DZIP3: variants seen among roughly 807,000 people sequenced by gnomAD.
DZIP3 encodes E3 ubiquitin-protein ligase DZIP3.
Under a neutral mutation model 162.0 loss-of-function variants are expected in DZIP3, and 118 were observed. The observed-to-expected ratio is 0.73, with a 90% CI of 0.63 to 0.85. DZIP3 has a LOEUF of 0.85. Among genes scored for constraint, DZIP3 ranks in the 40% least tolerant of loss-of-function variants. DZIP3 has a pLI of 0.00. For missense variants in DZIP3, 1,331 were observed against 1,407.0 expected, an observed-to-expected ratio of 0.95 and a Z score of 0.86; for synonymous variants, 438 against 458.6, an observed-to-expected ratio of 0.96 and a Z score of 0.57.
At position 108,594,668 on chromosome 3, in the gene DZIP3, C is replaced by A. The variant is rs925444762; in HGVS notation, c.-73+4829C>A. Reference sequence around the variant, plus strand: ...GTCTATGTGTTCTTTCCGTTTTGCTCCCATTTATGAGTAAGAATATGCGGT... The same window carrying A: ...GTCTATGTGTTCTTTCCGTTTTGCTACCATTTATGAGTAAGAATATGCGGT... On this transcript the variant is annotated intron_variant, in intron 1 of 32. Coordinates refer to ENST00000361582, the MANE Select transcript of DZIP3 (RefSeq NM_014648.4). Among the ~76,000 whole-genome samples the A allele has an allele frequency of 3.9e-5, 6 of 151,998 alleles. 1 individual carries two copies. The highest frequency in any genetic ancestry group is 6.8e-3 in the Middle Eastern group (2 of 294).
chr3:108,682,752 A>G (rs1944366491), intron 26 of DZIP3, among the ~76,000 whole-genome samples: 1 of 150,890 alleles, frequency 6.6e-6, no homozygotes, highest in South Asian at 2.1e-4. Context: ...TGGCTAGAAG[A>G]GAGGATTTTG....
Position 108,632,951 on chromosome 3 carries a change from A to G in DZIP3, c.697-2A>G. 4 of 1,381,134 alleles carry G rather than the reference A, an allele frequency of 2.9e-6. No homozygotes were observed. The highest frequency in any genetic ancestry group is 2.5e-5 in the Admixed American group (1 of 40,588). The allele number at this position is 1,381,134 out of a possible 1,614,324, so 85.6% of individuals were successfully genotyped here. A position where few individuals can be genotyped will look rare whatever the true frequency, so the allele number is the denominator to read the frequency against. On this transcript the variant is annotated splice_acceptor_variant, in intron 8 of 32. Coordinates refer to ENST00000361582, the MANE Select transcript of DZIP3 (RefSeq NM_014648.4). LOFTEE classifies it high-confidence loss of function. ...AGAATTCTTTCTGTTTTTAAAATCT[A>G]GGATCTTCTTAATAATTTTATCAAG...
At chr3:108,608,594 A>T (rs550724944) in intron 3 of DZIP3, among the ~76,000 whole-genome samples, 30 of 152,262 alleles carry the variant, frequency 2.0e-4, no homozygotes, top group Admixed American at 2.0e-3. Context: ...TATTATCTTT[A>T]TGGTTAGAAC....
chr3:108,669,594 C>A, intron 21 of DZIP3, 87 bp from the exon 22 acceptor site: 1 of 1,202,784 alleles, frequency 8.3e-7, no homozygotes, highest in Admixed American at 2.1e-5. Context: ...TACTTTATCT[C>A]CTCCACAGCT....
chr3:108,643,834 AAATTTCAG>A, intron 13 of DZIP3, among the ~76,000 whole-genome samples: 2 of 152,212 alleles, frequency 1.3e-5, no homozygotes, highest in East Asian at 3.9e-4. Flanking sequence ...CATTCTTGGC[AAATTTCAG>A]AATTTTTAAA....
intron 29 of DZIP3, 114 bp downstream of exon 29, chr3:108,688,210 T>G (rs1944562452): frequency 7.8e-7 from 1 of 1,285,286 alleles, no homozygotes; most frequent in Admixed American, 2.4e-5. Context: ...GTAATCATAT[T>G]AAATCATCTA....
chr3:108,634,507 G>A (rs61659698), intron 9 of DZIP3, among the ~76,000 whole-genome samples: 2,890 of 152,122 alleles, frequency 0.019, 101 homozygotes, highest in African/African-American at 0.066. Flanking sequence ...AGGCAGTAAT[G>A]GTATGGAGCT....
intron 26 of DZIP3, 40 bp from the exon 27 acceptor site, chr3:108,684,176 G>T: frequency 6.4e-7 from 1 of 1,559,474 alleles, no homozygotes; most frequent in Non-Finnish European, 8.7e-7. Context: ...AATATGTGGG[G>T]GGGGGTGTTG....
intron 22 of DZIP3, among the ~76,000 whole-genome samples, chr3:108,671,269 G>A (rs974201289): frequency 6.6e-6 from 1 of 151,572 alleles, no homozygotes; most frequent in African/African-American, 2.4e-5. Flanking sequence ...TATTTATAAT[G>A]TACTGTTATC....
intron 5 of DZIP3, among the ~76,000 whole-genome samples, chr3:108,622,793 C>G (rs1379588408): frequency 1.3e-5 from 2 of 150,802 alleles, no homozygotes; most frequent in African/African-American, 4.9e-5. Context: ...GATTACCAGG[C>G]AGAGACTCTT....
intron 31 of DZIP3, 115 bp from the exon 32 acceptor site, chr3:108,690,672 A>T: frequency 1.1e-6 from 1 of 919,704 alleles, no homozygotes; most frequent in Non-Finnish European, 1.7e-6. Flanking sequence ...TCCACAGCGT[A>T]AGGCTTTAAA....
intron 13 of DZIP3, 88 bp from the exon 14 acceptor site, chr3:108,644,076 C>T: frequency 6.9e-7 from 1 of 1,449,524 alleles, no homozygotes; most frequent in Non-Finnish European, 9.2e-7. Context: ...AGTTTTTATC[C>T]TACAGGAGCT....
chr3:108,644,186 T>C lies in DZIP3; in HGVS notation c.1164T>C (p.Leu388=). 1 of 1,602,082 alleles carries C rather than the reference T, an allele frequency of 6.2e-7. No individual in the cohort carries two copies. Among genetic ancestry groups the C allele is most frequent in the Non-Finnish European group, 8.5e-7 (1 of 1,175,906 alleles). Residue 388 remains leucine (L), a synonymous_variant, in exon 14 of 33, where the codon CTT becomes CTC. Transcript: ENST00000361582. ...NTKDEMPIFK[L]DYNYFYHLLH... is the part of the protein sequence containing the mutation. ...CAGATGAAATGCCTATCTTCAAGCT[T>C]GATTATAATTATTTCTATCATCTGC...
At chr3:108,632,294 A>G (rs190726351) in intron 8 of DZIP3, among the ~76,000 whole-genome samples, 186 of 152,224 alleles carry the variant, frequency 1.2e-3, no homozygotes, top group Non-Finnish European at 1.2e-3. Context: ...GGCTGCAGTG[A>G]AATGGTGCTA....
At chr3:108,658,222 T>C (rs1268111449) in intron 19 of DZIP3, among the ~76,000 whole-genome samples, 3 of 152,134 alleles carry the variant, frequency 2.0e-5, no homozygotes, top group Non-Finnish European at 4.4e-5. Flanking sequence ...TATTCCAAAA[T>C]TGACCACATA....
chr3:108,593,805 C>G (rs753762724), intron 1 of DZIP3, among the ~76,000 whole-genome samples: 53 of 151,560 alleles, frequency 3.5e-4, no homozygotes, highest in Non-Finnish European at 5.2e-4. Flanking sequence ...CCTGGGAACA[C>G]AGGCATGCCC....
chr3:108,687,229 TA>T (rs1944531433), intron 28 of DZIP3, among the ~76,000 whole-genome samples: 1 of 152,026 alleles, frequency 6.6e-6, no homozygotes, highest in African/African-American at 2.4e-5. Context: ...TATAATTTTA[TA>T]AATTTCATAA....
chr3:108,654,379 C>G, intron 19 of DZIP3, 69 bp downstream of exon 19: 2 of 1,541,364 alleles, frequency 1.3e-6, no homozygotes, highest in Non-Finnish European at 1.8e-6. Flanking sequence ...ACTCTTTAAA[C>G]AGCATCACCC....
At chr3:108,674,285 A>T in intron 24 of DZIP3, 104 bp downstream of exon 24, 1 of 945,148 alleles carries the variant, frequency 1.1e-6, no homozygotes, top group Non-Finnish European at 1.5e-6. Flanking sequence ...GTGACATCAG[A>T]GTTCTTAAAG....
Sources: allele counts gnomAD v4.1 joint callset (sites outside exome capture counted in the v4.1 genomes callset), GRCh38; gene constraint gnomAD v4.1.1; transcripts MANE v1.5; gene names NCBI Gene and HGNC (gene_info 2026-07-23, HGNC 2026-07-21).